TMEM217: variants seen among roughly 807,000 people sequenced by gnomAD.
The protein encoded by TMEM217 is transmembrane protein 217, also known as chromosome 6 open reading frame 128.
For missense variants in TMEM217, 204 were observed against 248.8 expected, an observed-to-expected ratio of 0.82 and a Z score of 1.21; for synonymous variants, 76 against 88.3, an observed-to-expected ratio of 0.86 and a Z score of 0.78.
In TMEM217 at chr6:37,231,609, T is replaced by C. The variant is rs375634085; in HGVS notation, c.-11-12568A>G. On this transcript the variant is annotated intron_variant, in intron 1 of 1. Coordinates refer to ENST00000357219, the Ensembl canonical transcript of TMEM217. ...AATGGCGTGAACCCGGGAGGTGGGGTTGCGGTGAGCCGAGATTGCACCATT... is the reference window on the plus strand; with the variant it reads ...AATGGCGTGAACCCGGGAGGTGGGGCTGCGGTGAGCCGAGATTGCACCATT... Among the ~76,000 whole-genome samples the C allele has an allele frequency of 1.6e-4, 23 of 147,942 alleles. No individual in the cohort carries two copies. In the East Asian group the frequency reaches 3.6e-3, roughly 23 times the overall value.
downstream of TMEM217, chr6:37,213,106 TG>T: frequency 1.3e-6 from 1 of 757,266 alleles, no homozygotes. Flanking sequence ...TGATGGTGTG[TG>T]GACAGGCAAT....
intron 1 of TMEM217, among the ~76,000 whole-genome samples, chr6:37,224,324 T>C (rs367616212): frequency 3.3e-4 from 50 of 150,444 alleles, no homozygotes; most frequent in African/African-American, 1.0e-3. Context: ...TTTAGCTGGG[T>C]GCAGTGGCTC....
Position 37,221,854 on chromosome 6 carries a change from G to T in TMEM217, c.-11-2813C>A, listed in dbSNP as rs143714963. 5.0e-3 allele frequency among the ~76,000 whole-genome samples: 762 copies of T among 152,294 alleles called. 6 individuals are homozygous for T. Among genetic ancestry groups the T allele is most frequent in the Non-Finnish European group, 8.5e-3 (581 of 68,010 alleles). On this transcript the variant is annotated intron_variant, in intron 1 of 1. Coordinates refer to ENST00000357219, the Ensembl canonical transcript of TMEM217. ...CGCAGTGGGTAGCTCCGCTCTGTAG[G>T]CAAGTCATGCTAATATCTGCTGTTC...
chr6:37,243,539 T>C (rs9918482), intron 1 of TMEM217, among the ~76,000 whole-genome samples: 10,025 of 152,260 alleles, frequency 0.066, 1,070 homozygotes, highest in African/African-American at 0.22. Context: ...GGCCATATCA[T>C]ATGGGATATG....
At chr6:37,257,678 T>C (rs1443531500) in exon 1 of TMEM217, 4 of 533,356 alleles carry the variant, frequency 7.5e-6, no homozygotes, top group African/African-American at 4.0e-5. Flanking sequence ...CCGGTCGGCT[T>C]CAGCGGCCTG....
chr6:37,220,409 G>A (rs777392428), intron 1 of TMEM217, among the ~76,000 whole-genome samples: 3 of 152,134 alleles, frequency 2.0e-5, no homozygotes, highest in African/African-American at 4.8e-5. Context: ...AAAGGCCTAC[G>A]ATTAGGGGAA....
At chr6:37,218,184 TTG>T in exon 2 of TMEM217, 2 of 1,186,192 alleles carry the variant, frequency 1.7e-6, no homozygotes, top group South Asian at 3.1e-5. Context: ...TTTTTTTTTT[TTG>T]GGGGACAGAG....
chr6:37,224,423 CCT>C (rs1316153193), intron 1 of TMEM217, among the ~76,000 whole-genome samples: 3 of 150,604 alleles, frequency 2.0e-5, no homozygotes, highest in Non-Finnish European at 4.4e-5. Flanking sequence ...ATGATGAAAC[CCT>C]GTCTCTACTA....
downstream of TMEM217, among the ~76,000 whole-genome samples, chr6:37,216,909 C>T (rs1763234306): frequency 1.3e-5 from 2 of 152,038 alleles, no homozygotes; most frequent in African/African-American, 4.8e-5. Flanking sequence ...GAGAGCAGGC[C>T]CTTACCAGAC....
intron 1 of TMEM217, among the ~76,000 whole-genome samples, chr6:37,238,301 T>C (rs1342481872): frequency 6.6e-6 from 1 of 152,188 alleles, no homozygotes; most frequent in East Asian, 1.9e-4. Context: ...TATGTAAGTA[T>C]TTTTGTTATC....
At chr6:37,212,783 G>A (rs891490086), downstream of TMEM217, 4 of 714,164 alleles carry the variant, frequency 5.6e-6, no homozygotes, top group Non-Finnish European at 1.0e-5. Context: ...GTGAGGGAGA[G>A]GCCAGTGCTG....
chr6:37,238,868 C>T (rs1166582112), intron 1 of TMEM217, among the ~76,000 whole-genome samples: 11 of 152,178 alleles, frequency 7.2e-5, no homozygotes, highest in South Asian at 2.1e-4. Flanking sequence ...TGGTGGCTCA[C>T]GCCTGTAATC....
At chr6:37,256,718 G>A (rs1583505752) in intron 1 of TMEM217, among the ~76,000 whole-genome samples, 2 of 137,678 alleles carry the variant, frequency 1.5e-5, no homozygotes, top group South Asian at 2.5e-4. Context: ...ATATGTGGAA[G>A]TACATGTGGT....
intron 1 of TMEM217, among the ~76,000 whole-genome samples, chr6:37,252,203 A>G (rs1335889794): frequency 6.6e-6 from 1 of 152,154 alleles, no homozygotes; most frequent in Non-Finnish European, 1.5e-5. Context: ...TGGATTTTAC[A>G]TTTTTTAATT....
intron 1 of TMEM217, among the ~76,000 whole-genome samples, chr6:37,249,386 C>A (rs1765269399): frequency 6.6e-6 from 1 of 152,112 alleles, no homozygotes; most frequent in South Asian, 2.1e-4. Context: ...GTGGTGCAAT[C>A]TTGGCTCACT....
At chr6:37,228,814 G>A (rs926018838) in intron 1 of TMEM217, among the ~76,000 whole-genome samples, 1 of 151,602 alleles carries the variant, frequency 6.6e-6, no homozygotes, top group Admixed American at 6.6e-5. Flanking sequence ...TGACTAACAC[G>A]GTGAAACCCC....
rs561850946 is a variant in TMEM217, at chr6:37,226,664, C to T, written c.-11-7623G>A. 7.2e-5 allele frequency among the ~76,000 whole-genome samples: 11 copies of T among 152,138 alleles called. No individual in the cohort carries two copies. In the South Asian group the frequency reaches 1.5e-3, roughly 20 times the overall value. ...CACGATCTCGCCTCCCAGGTTAAAGCGATTCTCCTGCCTCAGCCTCCTGAG... is the reference window on the plus strand; with the variant it reads ...CACGATCTCGCCTCCCAGGTTAAAGTGATTCTCCTGCCTCAGCCTCCTGAG... On this transcript the variant is annotated intron_variant, in intron 1 of 1. Coordinates refer to ENST00000357219, the Ensembl canonical transcript of TMEM217.
downstream of TMEM217, chr6:37,217,514 A>G (rs554251479): frequency 6.1e-6 from 3 of 489,176 alleles, no homozygotes; most frequent in Non-Finnish European, 8.0e-6. Context: ...CAGTGTTCAC[A>G]CTACAGAGTA....
exon 2 of TMEM217, chr6:37,218,720 T>C (rs1395904390): frequency 3.7e-6 from 6 of 1,613,972 alleles, no homozygotes; most frequent in African/African-American, 1.3e-5. Flanking sequence ...TGCAGTTTCA[T>C]AGAAAAAAAT....
Sources: allele counts gnomAD v4.1 joint callset (sites outside exome capture counted in the v4.1 genomes callset), GRCh38; gene constraint gnomAD v4.1.1; transcripts MANE v1.5; gene names NCBI Gene and HGNC (gene_info 2026-07-23, HGNC 2026-07-21).